The following SAMD3 variants were observed in gnomAD, a reference collection of about 807,000 sequenced individuals.
SAMD3 encodes sterile alpha motif domain-containing protein 3.
In SAMD3, 63 loss-of-function variants were observed where a neutral mutation model predicts 58.5. That is an observed-to-expected ratio of 1.08 (90% confidence interval 0.88 to 1.33). The LOEUF (loss-of-function observed/expected upper bound fraction) is 1.33, where lower values mean the gene tolerates loss of function less well. Ranked by LOEUF, SAMD3 falls within the 40% of genes most tolerant of loss-of-function variation. The probability of loss-of-function intolerance (pLI) is 0.00; values close to 1 mark genes in which losing one functional copy is unlikely to be tolerated. For missense variants in SAMD3, 604 were observed against 608.4 expected (o/e 0.99, Z 0.08); for synonymous variants, 220 against 210.3 (o/e 1.05, Z -0.40).
intron 1 of SAMD3, among the ~76,000 whole-genome samples, chr6:130,222,408 TAAC>T (rs1796259578): frequency 6.6e-6 from 1 of 152,158 alleles, no homozygotes; most frequent in Non-Finnish European, 1.5e-5. Context: ...TCTAGACAAA[TAAC>T]TATGTAGAGA....
intron 2 of SAMD3, among the ~76,000 whole-genome samples, chr6:130,236,436 T>C (rs1582988995): frequency 6.7e-6 from 1 of 150,022 alleles, no homozygotes; most frequent in African/African-American, 2.5e-5. Context: ...TAGGCTGGAG[T>C]GCAATGGCGT....
At chr6:130,315,505 G>A (rs9492536) in intron 1 of SAMD3, among the ~76,000 whole-genome samples, 58,519 of 151,868 alleles carry the variant, frequency 0.39, 11,866 homozygotes, top group African/African-American at 0.51. Flanking sequence ...AGAAGGCTAT[G>A]AGGATTTATG....
chr6:130,271,208 C>T (rs1235994048), intron 2 of SAMD3, among the ~76,000 whole-genome samples: 4 of 152,024 alleles, frequency 2.6e-5, no homozygotes, highest in African/African-American at 4.8e-5. Context: ...CCATGTTGCC[C>T]AGGTTGGTCT....
In SAMD3 at chr6:130,221,456, C is replaced by G. The variant is rs552273200; in HGVS notation, c.-68+1238G>C. 3 of 152,354 alleles carry G rather than the reference C, an allele frequency of 2.0e-5. No individual in the cohort carries two copies. The East Asian group carries it at 5.8e-4, about 29-fold the overall frequency. 9.4% of individuals were successfully genotyped at this position (152,354 alleles called of 1,614,324 possible). A position where few individuals can be genotyped will look rare whatever the true frequency, so the allele number is the denominator to read the frequency against. On this transcript the variant is annotated intron_variant, in intron 1 of 11. Coordinates refer to ENST00000439090, the MANE Select transcript of SAMD3 (RefSeq NM_001017373.4). The stretch of plus-strand genomic sequence containing the variant: ...AATTTGCAAGTAACTTTTGACTACC[C>G]CCAAACTTAACTACTAATAGCCTAC...
intron 2 of SAMD3, among the ~76,000 whole-genome samples, chr6:130,252,380 T>A (rs1033479343): frequency 6.5e-5 from 7 of 107,416 alleles, no homozygotes; most frequent in African/African-American, 2.1e-4. Flanking sequence ...TTACATCTCA[T>A]TTTTTTTCTT....
upstream of SAMD3, among the ~76,000 whole-genome samples, chr6:130,227,530 G>C (rs759323127): frequency 6.6e-5 from 10 of 152,166 alleles, no homozygotes; most frequent in Non-Finnish European, 1.5e-4. Flanking sequence ...GCTCATGCCT[G>C]TAATCCCAGA....
chr6:130,315,654 T>G (rs1244272626), intron 1 of SAMD3, among the ~76,000 whole-genome samples: 1 of 152,222 alleles, frequency 6.6e-6, no homozygotes, highest in Non-Finnish European at 1.5e-5. Context: ...CCTAAGTTAT[T>G]CAGGATAGTA....
intron 5 of SAMD3, among the ~76,000 whole-genome samples, chr6:130,187,481 A>G (rs971531826): frequency 3.3e-5 from 5 of 152,296 alleles, no homozygotes; most frequent in Admixed American, 1.3e-4. Context: ...TCTTTACATT[A>G]AAACAATGTA....
At chr6:130,251,773 G>A (rs1773745713) in intron 2 of SAMD3, among the ~76,000 whole-genome samples, 1 of 152,104 alleles carries the variant, frequency 6.6e-6, no homozygotes, top group Admixed American at 6.6e-5. Context: ...TAGCTTCGTA[G>A]CAAGTTTTGA....
intron 2 of SAMD3, among the ~76,000 whole-genome samples, chr6:130,240,129 T>A (rs1773304711): frequency 6.6e-6 from 1 of 152,192 alleles, no homozygotes; most frequent in Non-Finnish European, 1.5e-5. Flanking sequence ...TGTCCCTTCA[T>A]GGAAAAAATA....
At chr6:130,359,107 C>T (rs1777914339) in intron 1 of SAMD3, among the ~76,000 whole-genome samples, 1 of 152,146 alleles carries the variant, frequency 6.6e-6, no homozygotes, top group Non-Finnish European at 1.5e-5. Flanking sequence ...AAAATTAGTG[C>T]TTGCTCTAAA....
At chr6:130,219,937 T>A (rs1355789999) in intron 1 of SAMD3, among the ~76,000 whole-genome samples, 2 of 152,236 alleles carry the variant, frequency 1.3e-5, no homozygotes, top group African/African-American at 4.8e-5. Flanking sequence ...ACACCTCCAA[T>A]AAATTTGAAG....
intron 2 of SAMD3, among the ~76,000 whole-genome samples, chr6:130,246,668 A>G (rs1395482188): frequency 6.6e-6 from 1 of 152,164 alleles, no homozygotes; most frequent in African/African-American, 2.4e-5. Context: ...AGGCGGGTGG[A>G]TCACCTGAGG....
Position 130,262,581 on chromosome 6 carries a change from A to G in SAMD3, c.-187-39768T>C, listed in dbSNP as rs935232123. 5.9e-5 allele frequency among the ~76,000 whole-genome samples: 8 copies of G among 135,332 alleles called. 1 individual carries two copies. In the South Asian group the frequency reaches 7.9e-4, roughly 13 times the overall value. 88.8% of individuals were successfully genotyped at this position (135,332 alleles called of 152,430 possible). ...GATGATGGATGGTTCCTCCCAGGTA[A>G]TTGAAAAAAAAAAAGGTTATAAAAG... is the stretch of plus-strand genomic sequence containing the variant. On this transcript the variant is annotated intron_variant, in intron 2 of 13. Coordinates refer to the SAMD3 transcript ENST00000368134.
At chr6:130,248,235 T>A (rs1201969062) in intron 2 of SAMD3, among the ~76,000 whole-genome samples, 1 of 151,990 alleles carries the variant, frequency 6.6e-6, no homozygotes, top group African/African-American at 2.4e-5. Flanking sequence ...AAGTTTGTTT[T>A]GTTTGCTTCT....
intron 5 of SAMD3, among the ~76,000 whole-genome samples, chr6:130,191,987 C>T (rs1020251622): frequency 2.6e-5 from 4 of 152,162 alleles, no homozygotes; most frequent in African/African-American, 9.7e-5. Context: ...TGCCCTCATT[C>T]TTCTAGGTTT....
At chr6:130,361,827 A>C (rs528056771) in intron 1 of SAMD3, among the ~76,000 whole-genome samples, 22 of 152,214 alleles carry the variant, frequency 1.4e-4, no homozygotes, top group Non-Finnish European at 2.4e-4. Flanking sequence ...TTGGGGAAGT[A>C]TCACTCACAC....
chr6:130,209,374 C>G (rs1404802989), intron 5 of SAMD3, 121 bp downstream of exon 5: 2 of 522,180 alleles, frequency 3.8e-6, no homozygotes, highest in Non-Finnish European at 6.8e-6. Flanking sequence ...AAAATATATT[C>G]CCTTCCAGGA....
intron 2 of SAMD3, among the ~76,000 whole-genome samples, chr6:130,302,793 C>T (rs1775797271): frequency 6.6e-6 from 1 of 152,100 alleles, no homozygotes; most frequent in Non-Finnish European, 1.5e-5. Context: ...ATAGATGCAG[C>T]CAGAGGCCTA....
Sources: allele counts gnomAD v4.1 joint callset (sites outside exome capture counted in the v4.1 genomes callset), GRCh38; gene constraint gnomAD v4.1.1; transcripts MANE v1.5; gene names NCBI Gene and HGNC (gene_info 2026-07-23, HGNC 2026-07-21).